Variants in LONP2 observed in about 807,000 individuals in gnomAD.
The protein encoded by LONP2 is lon peptidase 2, peroxisomal.
In LONP2, 60 loss-of-function variants were observed where a neutral mutation model predicts 85.6. That is an observed-to-expected ratio of 0.70 (90% CI 0.57 to 0.87). The LOEUF (loss-of-function observed/expected upper bound fraction) is 0.87, where lower values mean the gene tolerates loss of function less well. Among genes scored for constraint, LONP2 ranks in the 40% least tolerant of loss-of-function variants. LONP2 has a pLI of 0.00. For missense variants in LONP2, 860 were observed against 1,063.5 expected (o/e 0.81, Z 2.66); for synonymous variants, 395 against 389.7 (o/e 1.01, Z -0.16).
At chr16:48,265,012 C>T (rs184237109) in intron 6 of LONP2, among the ~76,000 whole-genome samples, 52 of 152,150 alleles carry the variant, frequency 3.4e-4, no homozygotes, top group Non-Finnish European at 6.2e-4. Context: ...AGTGCTTTCT[C>T]ATTGTGGTTT....
chr16:48,256,875 A>G (rs1189297557), intron 3 of LONP2, 134 bp downstream of exon 3: 1 of 761,490 alleles, frequency 1.3e-6, no homozygotes, highest in Non-Finnish European at 2.0e-6. Flanking sequence ...TTACATTTAA[A>G]CTGACTTTCA....
intron 11 of LONP2, among the ~76,000 whole-genome samples, chr16:48,311,608 G>C (rs1973032557): frequency 6.6e-6 from 1 of 151,464 alleles, no homozygotes. Flanking sequence ...GATTTCTCTT[G>C]TATCTTGTTG....
chr16:48,290,871 A>G (rs374852687), intron 8 of LONP2, among the ~76,000 whole-genome samples: 14 of 152,282 alleles, frequency 9.2e-5, no homozygotes, highest in Non-Finnish European at 1.5e-4. Context: ...GGAACTGACA[A>G]GTCCTCAGCC....
chr16:48,327,553 G>A (rs1959276779), intron 11 of LONP2, among the ~76,000 whole-genome samples: 1 of 152,110 alleles, frequency 6.6e-6, no homozygotes, highest in Non-Finnish European at 1.5e-5. Flanking sequence ...CACTTCCCGG[G>A]TTCAAGCGAT....
At chr16:48,314,646 C>A (rs1973103736) in intron 11 of LONP2, among the ~76,000 whole-genome samples, 1 of 152,102 alleles carries the variant, frequency 6.6e-6, no homozygotes, top group South Asian at 2.1e-4. Context: ...GAAATAAGAC[C>A]ACACATCTAC....
intron 11 of LONP2, among the ~76,000 whole-genome samples, chr16:48,319,021 C>G (rs906544047): frequency 6.6e-6 from 1 of 151,290 alleles, no homozygotes; most frequent in Non-Finnish European, 1.5e-5. Context: ...TGAAACATAT[C>G]CATTCTCGTC....
In LONP2 at chr16:48,362,391, G is replaced by A. The variant is rs772333640; in HGVS notation, c.*528G>A. The A allele has an allele frequency of 1.9e-6, 3 of 1,614,140 alleles. No homozygotes were observed. Among genetic ancestry groups the A allele is most frequent in the Non-Finnish European group, 2.5e-6 (3 of 1,180,010 alleles). On this transcript the variant is annotated 3_prime_UTR_variant, in exon 5 of 5. Transcript: ENST00000565867. The surrounding 1 kb of genome is among the most constrained non-coding windows in gnomAD (Gnocchi z 4.2). Reference sequence around the variant, plus strand: ...CCTCTGGGATGGTGGACACTTCGAGGTACCGGTAGGTAATGCTGTAGCAGT... The same window carrying A: ...CCTCTGGGATGGTGGACACTTCGAGATACCGGTAGGTAATGCTGTAGCAGT...
Position 48,347,642 on chromosome 16 carries a change from G to GT in LONP2, c.2075dup (p.Met693AspfsTer29). On this transcript the variant is annotated frameshift_variant, in exon 13 of 15. Transcript: ENST00000285737. LOFTEE classifies it high-confidence loss of function. ...AACTCTGACCGGCCAGCTCGGGGACGTGATGAAGGAGTCCGCCCACCTCGC... is the reference window on the plus strand; with the variant it reads ...AACTCTGACCGGCCAGCTCGGGGACGTTGATGAAGGAGTCCGCCCACCTCGC... 6.2e-7 allele frequency: 1 copy of GT among 1,614,234 alleles called. No homozygotes were observed. Among genetic ancestry groups the GT allele is most frequent in the Non-Finnish European group, 8.5e-7 (1 of 1,180,044 alleles).
At chr16:48,264,658 A>G (rs568897858) in intron 6 of LONP2, among the ~76,000 whole-genome samples, 1 of 152,384 alleles carries the variant, frequency 6.6e-6, no homozygotes, top group South Asian at 2.1e-4. Context: ...AGACAGGCAT[A>G]GGAAATCACA....
intron 11 of LONP2, among the ~76,000 whole-genome samples, chr16:48,328,606 A>G (rs1006450730): frequency 6.9e-6 from 1 of 145,668 alleles, no homozygotes; most frequent in Non-Finnish European, 1.5e-5. Context: ...TGAACCCAGG[A>G]GGTGGAAGTT....
chr16:48,332,195 A>T lies in LONP2; in HGVS notation c.1796-2021A>T, dbSNP rs75761287. ...TATAAAAATAAAATAAGGGTCTACT[A>T]GTATTAAACATACTCTGTAATCACT... On this transcript the variant is annotated intron_variant, in intron 11 of 14. Transcript: ENST00000285737. Among the ~76,000 whole-genome samples, 397 of 152,370 alleles carry T rather than the reference A, an allele frequency of 2.6e-3. 2 individuals carry two copies. Among genetic ancestry groups the T allele is most frequent in the African/African-American group, 7.7e-3 (322 of 41,582 alleles).
rs1260277107 is a variant in LONP2, at chr16:48,355,411, G to A, written c.*3609G>A. 1.3e-5 allele frequency: 2 copies of A among 152,126 alleles called. No homozygotes were observed. Among genetic ancestry groups the A allele is most frequent in the African/African-American group, 4.8e-5 (2 of 41,420 alleles). 9.4% of individuals were successfully genotyped at this position (152,126 alleles called of 1,614,324 possible). On this transcript the variant is annotated 3_prime_UTR_variant, in exon 15 of 15. Coordinates refer to ENST00000285737, the MANE Select transcript of LONP2 (RefSeq NM_031490.5). Reference sequence around the variant, plus strand: ...AGGCCCCGTCCTAGAAGCTGAGACTGGGCCCTCAATAGATGATACCAGTCT... The same window carrying A: ...AGGCCCCGTCCTAGAAGCTGAGACTAGGCCCTCAATAGATGATACCAGTCT...
chr16:48,340,285 T>C (rs902575153), intron 12 of LONP2, among the ~76,000 whole-genome samples: 27 of 152,338 alleles, frequency 1.8e-4, no homozygotes, highest in African/African-American at 6.5e-4. Context: ...GTGCACGTTA[T>C]CACAGAGTTC....
In LONP2 at chr16:48,351,731, GT is replaced by G. The variant is rs1960158645; in HGVS notation, c.2490del (p.Asn832MetfsTer17). ...SFVTASCLDE[V>X]LNAAFDGGFT... ...TGTCACAGCAAGCTGCCTGGATGAG[GT>G]TCTTAATGCAGCTTTTGATGGTGGC... is the stretch of plus-strand genomic sequence containing the variant. On this transcript the variant is annotated frameshift_variant, in exon 15 of 15. Coordinates refer to ENST00000285737, the MANE Select transcript of LONP2 (RefSeq NM_031490.5). LOFTEE classifies it high-confidence loss of function. The G allele has an allele frequency of 6.2e-7, 1 of 1,614,040 alleles. No homozygotes were observed. The highest frequency in any genetic ancestry group is 8.5e-7 in the Non-Finnish European group (1 of 1,180,036).
intron 14 of LONP2, among the ~76,000 whole-genome samples, chr16:48,349,979 G>A (rs950686417): frequency 7.3e-5 from 11 of 150,722 alleles, no homozygotes; most frequent in African/African-American, 2.7e-4. Context: ...TGGGCCAGGC[G>A]TGGCAGCTGA....
chr16:48,360,829 CA>C (rs1336688230), downstream of LONP2: 1 of 152,184 alleles, frequency 6.6e-6, no homozygotes, highest in East Asian at 1.9e-4. Context: ...AGAAAGAGAG[CA>C]CCTTATAGAT....
chr16:48,316,127 C>A (rs1342169541), intron 11 of LONP2, among the ~76,000 whole-genome samples: 1 of 151,898 alleles, frequency 6.6e-6, no homozygotes, highest in Non-Finnish European at 1.5e-5. Context: ...GATGTCTCAG[C>A]CTCCTGAGTA....
In LONP2 at chr16:48,261,607, T is replaced by C. The variant is rs1971880540; in HGVS notation, c.887+20T>C. 2.0e-6 allele frequency: 3 copies of C among 1,502,640 alleles called. No homozygotes were observed. In the African/African-American group the frequency reaches 4.3e-5, roughly 21 times the overall value. The allele number at this position is 1,502,640 out of a possible 1,614,324, so 93.1% of individuals were successfully genotyped here. ...AAAGAGGTAAATTATAAAAGGCATT[T>C]GTTCATTATTGTTTTCATTCTTGGT... On this transcript the variant is annotated intron_variant, in intron 5 of 14. Transcript: ENST00000285737.
At chr16:48,338,342 G>A (rs770059671) in intron 12 of LONP2, among the ~76,000 whole-genome samples, 3 of 152,178 alleles carry the variant, frequency 2.0e-5, no homozygotes, top group Non-Finnish European at 4.4e-5. Context: ...AATTGAAGTT[G>A]ATGCTATAGA....
Sources: allele counts gnomAD v4.1 joint callset (sites outside exome capture counted in the v4.1 genomes callset), GRCh38; gene constraint gnomAD v4.1.1; non-coding constraint Gnocchi (gnomAD v3.1); transcripts MANE v1.5; gene names NCBI Gene and HGNC (gene_info 2026-07-23, HGNC 2026-07-21).